PCDH15: variants seen among roughly 807,000 people sequenced by gnomAD.
The protein encoded by PCDH15 is protocadherin related 15.
Under a neutral mutation model 178.5 loss-of-function variants are expected in PCDH15, and 129 were observed. That is an observed-to-expected ratio of 0.72 (90% confidence interval 0.63 to 0.84). The LOEUF (loss-of-function observed/expected upper bound fraction) is 0.84, where lower values mean the gene tolerates loss of function less well. PCDH15 is among the 40% of genes least tolerant of loss of function. PCDH15 has a pLI of 0.00. For synonymous variants in PCDH15, 800 were observed against 732.0 expected (o/e 1.09, Z -1.50); for missense variants, 2,230 against 2,099.9 (o/e 1.06, Z -1.21).
intron 2 of PCDH15, among the ~76,000 whole-genome samples, chr10:55,026,043 G>C: frequency 6.6e-6 from 1 of 151,948 alleles, no homozygotes; most frequent in Non-Finnish European, 1.5e-5. Context: ...AAAAGTGAGA[G>C]ATAAGCTTGT....
chr10:53,832,082 T>G (rs1052818779), intron 29 of PCDH15, among the ~76,000 whole-genome samples: 3 of 151,968 alleles, frequency 2.0e-5, no homozygotes, highest in Non-Finnish European at 4.4e-5. Flanking sequence ...GTAAACATTC[T>G]CAAGTTTCAA....
At position 53,903,405 on chromosome 10, in the gene PCDH15, G is replaced by A. The variant is rs182708624; in HGVS notation, c.3374-35C>T. 5.5e-4 allele frequency: 886 copies of A among 1,608,260 alleles called. 7 individuals carry two copies. The highest frequency in any genetic ancestry group is 6.7e-5 in the Non-Finnish European group (79 of 1,177,322). ...AAGAAACGATGCATTTTTTATTGGTGGTTATTCATGGGGGAAAAAATGCAC... is the reference window on the plus strand; with the variant it reads ...AAGAAACGATGCATTTTTTATTGGTAGTTATTCATGGGGGAAAAAATGCAC... On this transcript the variant is annotated intron_variant, in intron 25 of 37. Coordinates refer to ENST00000644397, the MANE Select transcript of PCDH15 (RefSeq NM_001384140.1).
intron 2 of PCDH15, among the ~76,000 whole-genome samples, chr10:55,497,976 T>G (rs1301234552): frequency 6.6e-6 from 1 of 151,864 alleles, no homozygotes; most frequent in African/African-American, 2.4e-5. Flanking sequence ...CCTACGGATA[T>G]GTATAAATCT....
At chr10:54,274,656 G>C (rs1402432453) in intron 8 of PCDH15, among the ~76,000 whole-genome samples, 1 of 142,774 alleles carries the variant, frequency 7.0e-6, no homozygotes, top group East Asian at 2.1e-4. Context: ...GTGTGTGTGT[G>C]TCTAAAGTCA....
intron 2 of PCDH15, among the ~76,000 whole-genome samples, chr10:55,344,258 TG>T (rs1844682398): frequency 6.6e-6 from 1 of 152,156 alleles, no homozygotes. Context: ...GTGATTATCT[TG>T]GCTTTTAATC....
intron 2 of PCDH15, among the ~76,000 whole-genome samples, chr10:55,537,067 G>A (rs2132070179): frequency 6.6e-6 from 1 of 151,950 alleles, no homozygotes; most frequent in Non-Finnish European, 1.5e-5. Flanking sequence ...CACAGAATTT[G>A]CACCATTGTT....
intron 1 of PCDH15, among the ~76,000 whole-genome samples, chr10:55,276,865 G>C (rs545082990): frequency 3.3e-4 from 50 of 151,294 alleles, no homozygotes; most frequent in Middle Eastern, 3.4e-3. Context: ...TACCCAGATT[G>C]GGAAGGTCCT....
At chr10:54,393,726 A>G (rs996350949) in intron 3 of PCDH15, among the ~76,000 whole-genome samples, 1 of 152,152 alleles carries the variant, frequency 6.6e-6, no homozygotes, top group Admixed American at 6.5e-5. Flanking sequence ...CAAGTGCCCA[A>G]TCTTCATCTA....
chr10:54,826,366 G>A (rs1380006624), intron 3 of PCDH15, among the ~76,000 whole-genome samples: 3 of 151,910 alleles, frequency 2.0e-5, no homozygotes, highest in African/African-American at 7.2e-5. Flanking sequence ...AGAAAATTAT[G>A]TTCAAAATGG....
chr10:54,682,870 T>C (rs2094924848), intron 1 of PCDH15, among the ~76,000 whole-genome samples: 1 of 152,080 alleles, frequency 6.6e-6, no homozygotes, highest in South Asian at 2.1e-4. Context: ...CCCAGAGAAA[T>C]TAAAAGATTT....
chr10:54,997,205 T>A (rs1839671187), intron 2 of PCDH15, among the ~76,000 whole-genome samples: 1 of 152,170 alleles, frequency 6.6e-6, no homozygotes, highest in Non-Finnish European at 1.5e-5. Flanking sequence ...CAAACAAAGT[T>A]TACCCATGTG....
intron 1 of PCDH15, among the ~76,000 whole-genome samples, chr10:55,240,817 AC>A (rs2132211375): frequency 6.6e-6 from 1 of 152,326 alleles, no homozygotes; most frequent in East Asian, 1.9e-4. Flanking sequence ...GTTTCTTATT[AC>A]CAAGCATTCT....
At chr10:55,077,419 C>CTTCCTTCCTTCCTTCCTTCCT (rs1841927048) in intron 2 of PCDH15, among the ~76,000 whole-genome samples, 1 of 146,464 alleles carries the variant, frequency 6.8e-6, no homozygotes, top group African/African-American at 2.6e-5. Context: ...TCCTTCCTTC[C>CTTCCTTCCTTCCTTCCTTCCT]TTCCTTCCTT....
chr10:53,968,010 G>A (rs1029530509), intron 21 of PCDH15, among the ~76,000 whole-genome samples: 2 of 152,110 alleles, frequency 1.3e-5, no homozygotes, highest in Non-Finnish European at 2.9e-5. Flanking sequence ...CATCTCACTG[G>A]GGCTTGTTGG....
chr10:55,359,984 G>A lies in PCDH15; in HGVS notation c.-155-193333C>T, dbSNP rs11004826. Among the ~76,000 whole-genome samples, 722 of 151,762 alleles carry A rather than the reference G, an allele frequency of 4.8e-3. 1 individual carries two copies. The highest frequency in any genetic ancestry group is 0.021 in the Middle Eastern group (6 of 292). On this transcript the variant is annotated intron_variant, in intron 2 of 5. Coordinates refer to the PCDH15 transcript ENST00000613346. The stretch of plus-strand genomic sequence containing the variant: ...GTAGAAAGGTGATTACCGGGGCTGG[G>A]AATATAGGAAAGGAATGAAGACACA...
chr10:54,040,605 G>A lies in PCDH15; in HGVS notation c.2221-17408C>T, dbSNP rs544737292. Among the ~76,000 whole-genome samples the A allele has an allele frequency of 2.0e-4, 31 of 152,108 alleles. No homozygotes were observed. The South Asian group carries it at 6.4e-3, about 32-fold the overall frequency. ...ATGAAGTTGGATGTTGAATGCAGAT[G>A]CTAATGTACTGCCACATGCCAGTTA... is the stretch of plus-strand genomic sequence containing the variant. On this transcript the variant is annotated intron_variant, in intron 18 of 37. Coordinates refer to ENST00000644397, the MANE Select transcript of PCDH15 (RefSeq NM_001384140.1).
At chr10:54,279,599 T>C (rs1044721058) in intron 8 of PCDH15, among the ~76,000 whole-genome samples, 1 of 150,834 alleles carries the variant, frequency 6.6e-6, no homozygotes, top group Non-Finnish European at 1.5e-5. Context: ...TGCTCATTCC[T>C]AACAAATATT....
chr10:53,950,175 T>G (rs11003941), intron 23 of PCDH15, among the ~76,000 whole-genome samples: 25,280 of 151,862 alleles, frequency 0.17, 3,029 homozygotes, highest in East Asian at 0.61. Context: ...TTGAATTTGA[T>G]ATATTAAATT....
At chr10:54,763,440 C>T (rs538659457) in intron 1 of PCDH15, among the ~76,000 whole-genome samples, 1 of 152,008 alleles carries the variant, frequency 6.6e-6, no homozygotes, top group Non-Finnish European at 1.5e-5. Context: ...ATATTGCTAA[C>T]TGGAGAAAAT....
Sources: allele counts gnomAD v4.1 joint callset (sites outside exome capture counted in the v4.1 genomes callset), GRCh38; gene constraint gnomAD v4.1.1; transcripts MANE v1.5; gene names NCBI Gene and HGNC (gene_info 2026-07-23, HGNC 2026-07-21).